The following CREBBP variants were observed in gnomAD, a reference collection of about 807,000 sequenced individuals.
CREBBP encodes CREB binding lysine acetyltransferase.
Under a neutral mutation model 265.0 loss-of-function variants are expected in CREBBP, and 19 were observed. The ratio of observed to expected loss-of-function variants is 0.07; its 90% CI spans 0.05 to 0.11. CREBBP has a LOEUF of 0.11. CREBBP is among the 10% of genes least tolerant of loss of function. The pLI is 1.00. For synonymous variants in CREBBP, 1,457 were observed against 1,223.7 expected (o/e 1.19, Z -3.98); for missense variants, 2,525 against 3,219.0 (o/e 0.78, Z 5.22).
At chr16:3,797,046 T>A (rs1468593411) in intron 3 of CREBBP, among the ~76,000 whole-genome samples, 2 of 152,300 alleles carry the variant, frequency 1.3e-5, no homozygotes, top group Non-Finnish European at 2.9e-5. Context: ...GAGAGTTAGA[T>A]GTGAACTGCA....
In CREBBP at chr16:3,727,677, G is replaced by A. The variant is rs753170365; in HGVS notation, c.*41C>T. On this transcript the variant is annotated 3_prime_UTR_variant, in exon 31 of 31. Transcript: ENST00000262367. ...GATGCCTGGATTTTCAGTACAAAAG[G>A]TCCAAGAACATGAAAGGGAAAAGGT... 1.7e-5 allele frequency: 27 copies of A among 1,613,180 alleles called. No individual in the cohort carries two copies. Among genetic ancestry groups the A allele is most frequent in the Non-Finnish European group, 2.0e-5 (24 of 1,180,008 alleles).
chr16:3,760,604 A>G (rs754443705), intron 16 of CREBBP, among the ~76,000 whole-genome samples: 14 of 151,668 alleles, frequency 9.2e-5, no homozygotes, highest in Non-Finnish European at 1.6e-4. Flanking sequence ...GGGTTTCATC[A>G]TGTTGGCCAG....
At chr16:3,852,349 T>C (rs1403122999) in intron 1 of CREBBP, among the ~76,000 whole-genome samples, 1 of 151,146 alleles carries the variant, frequency 6.6e-6, no homozygotes, top group African/African-American at 2.4e-5. Context: ...TTTGTATTTT[T>C]AGTAGAGACG....
At chr16:3,878,799 G>C (rs1451529363) in intron 1 of CREBBP, among the ~76,000 whole-genome samples, 1 of 152,124 alleles carries the variant, frequency 6.6e-6, no homozygotes, top group Non-Finnish European at 1.5e-5. Flanking sequence ...AAGTTTTTGC[G>C]GCAAAGGAGA....
In CREBBP at chr16:3,727,666, C is replaced by T; in HGVS notation, c.*52G>A. The T allele has an allele frequency of 6.2e-7, 1 of 1,613,488 alleles. No homozygotes were observed. The highest frequency in any genetic ancestry group is 1.7e-5 in the Admixed American group (1 of 59,984). Reference sequence around the variant, plus strand: ...AAAAGAACCTAGATGCCTGGATTTTCAGTACAAAAGGTCCAAGAACATGAA... The same window carrying T: ...AAAAGAACCTAGATGCCTGGATTTTTAGTACAAAAGGTCCAAGAACATGAA... On this transcript the variant is annotated 3_prime_UTR_variant, in exon 31 of 31. Coordinates refer to ENST00000262367, the MANE Select transcript of CREBBP (RefSeq NM_004380.3).
intron 11 of CREBBP, 142 bp from the exon 12 acceptor site, chr16:3,774,835 T>C: frequency 9.2e-7 from 1 of 1,083,668 alleles, no homozygotes; most frequent in South Asian, 1.4e-5. Context: ...AATTAATCAA[T>C]GAAGATGATG....
chr16:3,762,537 T>C (rs1020442894), intron 16 of CREBBP, among the ~76,000 whole-genome samples: 1 of 151,736 alleles, frequency 6.6e-6, no homozygotes, highest in African/African-American at 2.4e-5. Flanking sequence ...GAAGATCCCA[T>C]ATGTGCAGAA....
intron 2 of CREBBP, among the ~76,000 whole-genome samples, chr16:3,811,118 C>A (rs2053931057): frequency 6.6e-6 from 1 of 152,100 alleles, no homozygotes; most frequent in Non-Finnish European, 1.5e-5. Flanking sequence ...AAGGGGAATT[C>A]TTTCAGTTTA....
intron 2 of CREBBP, among the ~76,000 whole-genome samples, chr16:3,830,512 T>C (rs898180171): frequency 3.0e-4 from 45 of 152,122 alleles, no homozygotes; most frequent in Non-Finnish European, 1.2e-4. Context: ...CAAAAACAAA[T>C]ATTTCATAAT....
Position 3,880,301 on chromosome 16 carries a change from T to TGCC in CREBBP, c.-388_-386dup, listed in dbSNP as rs1330924403. On this transcript the variant is annotated 5_prime_UTR_variant, in exon 1 of 31. Coordinates refer to ENST00000262367, the MANE Select transcript of CREBBP (RefSeq NM_004380.3). ...GCTCAGGCAGTCCCCGAGAACATGG[T>TGCC]GCCGCCGCCGCCGCCGCCTCGCTCC... is the stretch of plus-strand genomic sequence containing the variant. 10 of 133,060 alleles carry TGCC rather than the reference T, an allele frequency of 7.5e-5. No homozygotes were observed. Among genetic ancestry groups the TGCC allele is most frequent in the South Asian group, 4.0e-4 (2 of 4,958 alleles). The allele number at this position is 133,060 out of a possible 1,614,324, so 8.2% of individuals were successfully genotyped here.
At chr16:3,876,167 T>C (rs1449816295) in intron 1 of CREBBP, among the ~76,000 whole-genome samples, 4 of 151,900 alleles carry the variant, frequency 2.6e-5, no homozygotes, top group Non-Finnish European at 4.4e-5. Flanking sequence ...GCCTCCTGAA[T>C]AGCTGGGATT....
intron 2 of CREBBP, among the ~76,000 whole-genome samples, chr16:3,849,433 GTGTGTGTGTGT>G (rs1567360264): frequency 0.019 from 267 of 14,294 alleles, 8 homozygotes; most frequent in Middle Eastern, 0.062. Flanking sequence ...GTGTGTGTGT[GTGTGTGTGTGT>G]GTGTGTGTGT....
chr16:3,846,076 A>G (rs1335988769), intron 2 of CREBBP, among the ~76,000 whole-genome samples: 1 of 152,234 alleles, frequency 6.6e-6, no homozygotes, highest in Non-Finnish European at 1.5e-5. Flanking sequence ...TTGTAAACCT[A>G]TGTGACCATA....
intron 2 of CREBBP, among the ~76,000 whole-genome samples, chr16:3,818,978 G>A (rs1462082648): frequency 3.9e-5 from 6 of 152,242 alleles, no homozygotes; most frequent in African/African-American, 1.4e-4. Context: ...TTGCACGGGG[G>A]CTCATCACCT....
chr16:3,809,823 T>A (rs1266460873), intron 3 of CREBBP, among the ~76,000 whole-genome samples: 5 of 152,132 alleles, frequency 3.3e-5, no homozygotes, highest in African/African-American at 1.2e-4. Context: ...TTTCTTGTGA[T>A]CTTCCCAAAT....
chr16:3,795,039 C>T (rs936641048), intron 3 of CREBBP, among the ~76,000 whole-genome samples: 1 of 152,122 alleles, frequency 6.6e-6, no homozygotes, highest in Non-Finnish European at 1.5e-5. Context: ...ATAGAGTTTT[C>T]TGTTTTGATT....
chr16:3,849,435 G>GTGTGTGTGTGATGTGCGTGACCT (rs2054757037), intron 2 of CREBBP, among the ~76,000 whole-genome samples: 1 of 15,726 alleles, frequency 6.4e-5, no homozygotes, highest in African/African-American at 1.2e-4. Flanking sequence ...GTGTGTGTGT[G>GTGTGTGTGTGATGTGCGTGACCT]TGTGTGTGTG....
In CREBBP at chr16:3,803,058, T is replaced by A. The variant is rs1040868293; in HGVS notation, c.975+7545A>T. ...CAGCTGCCAACCTGGGAAGAAGCGATAATCACCTCAGAGGTGATAAACTGG... is the reference window on the plus strand; with the variant it reads ...CAGCTGCCAACCTGGGAAGAAGCGAAAATCACCTCAGAGGTGATAAACTGG... On this transcript the variant is annotated intron_variant, in intron 3 of 30. Coordinates refer to ENST00000262367, the MANE Select transcript of CREBBP (RefSeq NM_004380.3). Among the ~76,000 whole-genome samples the A allele has an allele frequency of 3.9e-5, 6 of 152,222 alleles. No individual in the cohort carries two copies. The East Asian group carries it at 1.2e-3, about 29-fold the overall frequency.
At chr16:3,810,471 G>A (rs2053915893) in intron 3 of CREBBP, 132 bp downstream of exon 3, 7 of 1,046,572 alleles carry the variant, frequency 6.7e-6, no homozygotes, top group Admixed American at 1.8e-5. Context: ...CTACTCATGA[G>A]AAATCTGGGT....
Sources: gnomAD v4.1 joint callset for allele counts (sites outside exome capture counted in the v4.1 genomes callset) on GRCh38, gnomAD v4.1.1 for gene constraint, MANE v1.5 for transcripts, NCBI Gene and HGNC (gene_info 2026-07-23, HGNC 2026-07-21) for gene names.